PCDH15: variants seen among roughly 807,000 people sequenced by gnomAD.
PCDH15 encodes protocadherin related 15, also known as protocadherin-15.
Under a neutral mutation model 178.5 loss-of-function variants are expected in PCDH15, and 129 were observed. That is an observed-to-expected ratio of 0.72 (90% CI 0.63 to 0.84). The LOEUF (loss-of-function observed/expected upper bound fraction) is 0.84. Among genes scored for constraint, PCDH15 ranks in the 40% least tolerant of loss-of-function variants. PCDH15 has a pLI of 0.00. For missense variants in PCDH15, 2,230 were observed against 2,099.9 expected, an observed-to-expected ratio of 1.06 and a Z score of -1.21; for synonymous variants, 800 against 732.0, an observed-to-expected ratio of 1.09 and a Z score of -1.50.
chr10:55,072,610 C>T lies in PCDH15; in HGVS notation c.-80+93966G>A, dbSNP rs1019498235. Among the ~76,000 whole-genome samples the T allele has an allele frequency of 3.3e-5, 5 of 152,098 alleles. No individual in the cohort carries two copies. In the South Asian group the frequency reaches 6.2e-4, roughly 19 times the overall value. On this transcript the variant is annotated intron_variant, in intron 2 of 5. Coordinates refer to the PCDH15 transcript ENST00000458638. Reference sequence around the variant, plus strand: ...CTGAAATTGTGGCAATAATCAATAGCTTACCAACCAAAAAGAGTCCAGGAC... The same window carrying T: ...CTGAAATTGTGGCAATAATCAATAGTTTACCAACCAAAAAGAGTCCAGGAC...
intron 2 of PCDH15, among the ~76,000 whole-genome samples, chr10:55,372,219 G>T (rs1157675592): frequency 6.6e-6 from 1 of 152,044 alleles, no homozygotes; most frequent in Non-Finnish European, 1.5e-5. Flanking sequence ...ATTTACTCAA[G>T]ATTCTCTAGC....
chr10:54,742,993 G>A (rs1052718877), intron 1 of PCDH15, among the ~76,000 whole-genome samples: 6 of 151,876 alleles, frequency 4.0e-5, no homozygotes, highest in African/African-American at 9.7e-5. Flanking sequence ...TTATCTAACC[G>A]TTTGAAAAAA....
At chr10:54,706,330 ACT>A (rs1464055347) in intron 1 of PCDH15, among the ~76,000 whole-genome samples, 2 of 152,208 alleles carry the variant, frequency 1.3e-5, no homozygotes, top group Admixed American at 1.3e-4. Flanking sequence ...CTAGAAAAGT[ACT>A]GTTAGAAATC....
intron 2 of PCDH15, among the ~76,000 whole-genome samples, chr10:54,555,937 C>G (rs1189477978): frequency 2.0e-5 from 3 of 149,844 alleles, no homozygotes; most frequent in African/African-American, 7.3e-5. Context: ...CCCATTTAAG[C>G]CTCCATCTAC....
chr10:55,266,023 G>C (rs1842284737), intron 1 of PCDH15, among the ~76,000 whole-genome samples: 1 of 152,110 alleles, frequency 6.6e-6, no homozygotes, highest in African/African-American at 2.4e-5. Flanking sequence ...ACAGTTAGCT[G>C]TCTTCTAAAG....
chr10:54,900,191 T>C lies in PCDH15; in HGVS notation c.-79-2691A>G, dbSNP rs149766055. On this transcript the variant is annotated intron_variant, in intron 2 of 5. Coordinates refer to the PCDH15 transcript ENST00000458638. ...CAACTGGAATATATCAGTAAACACA[T>C]TTTTAAAAGTCTTTTACTTCGGCAC... 5.3e-3 allele frequency among the ~76,000 whole-genome samples: 812 copies of C among 152,298 alleles called. 8 individuals carry two copies. Among genetic ancestry groups the C allele is most frequent in the African/African-American group, 0.018 (750 of 41,576 alleles).
At position 54,610,182 on chromosome 10, in the gene PCDH15, A is replaced by AT. The variant is rs373220018; in HGVS notation, c.91+53989dup. ...GCTTTGTTTACTGGTGCAGATCTCG[A>AT]TTTTTTCAAATATAGTATTTCACCT... On this transcript the variant is annotated intron_variant, in intron 2 of 37. Coordinates refer to ENST00000644397, the MANE Select transcript of PCDH15 (RefSeq NM_001384140.1). Among the ~76,000 whole-genome samples the AT allele has an allele frequency of 4.3e-4, 61 of 141,456 alleles. 1 individual carries two copies. Among genetic ancestry groups the AT allele is most frequent in the African/African-American group, 1.5e-3 (58 of 38,344 alleles). 92.8% of individuals were successfully genotyped at this position (141,456 alleles called of 152,430 possible). A position where few individuals can be genotyped will look rare whatever the true frequency, so the allele number is the denominator to read the frequency against.
intron 2 of PCDH15, among the ~76,000 whole-genome samples, chr10:55,382,400 AC>A (rs1837556907): frequency 6.6e-6 from 1 of 152,180 alleles, no homozygotes; most frequent in Non-Finnish European, 1.5e-5. Context: ...GATGAAGGAG[AC>A]TGTGAAGTCT....
intron 21 of PCDH15, among the ~76,000 whole-genome samples, chr10:53,992,945 C>T (rs2091624166): frequency 6.6e-6 from 1 of 152,182 alleles, no homozygotes; most frequent in Admixed American, 6.5e-5. Context: ...AGTGCTCTCT[C>T]TGGCTTTCAG....
chr10:54,068,237 G>A (rs1319428012), intron 17 of PCDH15, among the ~76,000 whole-genome samples: 1 of 152,122 alleles, frequency 6.6e-6, no homozygotes, highest in Non-Finnish European at 1.5e-5. Context: ...ACAGTGTTCA[G>A]TAGTCACTTA....
At chr10:54,088,617 G>T (rs568390367) in intron 16 of PCDH15, among the ~76,000 whole-genome samples, 1 of 152,210 alleles carries the variant, frequency 6.6e-6, no homozygotes, top group East Asian at 1.9e-4. Context: ...AAAATGTACT[G>T]ACTAATCCAA....
At chr10:54,487,694 T>C (rs1453737759) in intron 3 of PCDH15, among the ~76,000 whole-genome samples, 3 of 152,018 alleles carry the variant, frequency 2.0e-5, no homozygotes, top group African/African-American at 7.2e-5. Flanking sequence ...GGTTATTAAC[T>C]ATACAGTTTT....
chr10:54,310,071 G>C (rs1403247307), intron 8 of PCDH15, among the ~76,000 whole-genome samples: 2 of 152,008 alleles, frequency 1.3e-5, no homozygotes, highest in East Asian at 1.9e-4. Flanking sequence ...GAGAAAGTAG[G>C]GTAATTCTCA....
intron 8 of PCDH15, among the ~76,000 whole-genome samples, chr10:54,307,142 AT>A (rs2060608968): frequency 2.1e-5 from 2 of 96,026 alleles, no homozygotes; most frequent in South Asian, 3.6e-4. Context: ...ATATATATAT[AT>A]ATATATAAAA....
At chr10:54,469,004 C>T (rs936355504) in intron 3 of PCDH15, among the ~76,000 whole-genome samples, 6 of 152,082 alleles carry the variant, frequency 3.9e-5, no homozygotes, top group African/African-American at 1.2e-4. Flanking sequence ...TATCTTTTTC[C>T]ATCCCTTTAC....
At chr10:55,032,652 C>T (rs1051635886) in intron 2 of PCDH15, among the ~76,000 whole-genome samples, 2 of 152,152 alleles carry the variant, frequency 1.3e-5, no homozygotes, top group Non-Finnish European at 1.5e-5. Flanking sequence ...ATCTGTCTAG[C>T]AGAGAAAACC....
At position 54,330,216 on chromosome 10, in the gene PCDH15, C is replaced by T. The variant is rs76276313; in HGVS notation, c.595-510G>A. Among the ~76,000 whole-genome samples the T allele has an allele frequency of 5.2e-3, 795 of 151,514 alleles. 11 individuals carry two copies. Among genetic ancestry groups the T allele is most frequent in the African/African-American group, 0.016 (660 of 41,386 alleles). On this transcript the variant is annotated intron_variant, in intron 6 of 37. Transcript: ENST00000644397. ...AGTCACTTAGTGATGAGGTACATTCCGAGAAATGTGTTGTTAGGTGATTTT... is the reference window on the plus strand; with the variant it reads ...AGTCACTTAGTGATGAGGTACATTCTGAGAAATGTGTTGTTAGGTGATTTT...
intron 2 of PCDH15, among the ~76,000 whole-genome samples, chr10:55,016,810 C>G (rs1564719072): frequency 6.6e-6 from 1 of 151,984 alleles, no homozygotes; most frequent in Admixed American, 6.6e-5. Flanking sequence ...CAGTAACATA[C>G]CTTTTATTGA....
chr10:55,618,027 A>T lies in PCDH15; in HGVS notation c.-156+9598T>A, dbSNP rs568336729. Among the ~76,000 whole-genome samples, 387 of 152,200 alleles carry T rather than the reference A, an allele frequency of 2.5e-3. 5 individuals carry two copies. The highest frequency in any genetic ancestry group is 4.0e-3 in the Non-Finnish European group (274 of 67,928). On this transcript the variant is annotated intron_variant, in intron 2 of 5. Transcript: ENST00000613346. ...AAGATAAAATATAGTGTTTATAGAA[A>T]GAAATACAATTATTTCTAATAACTG...
Sources: gnomAD v4.1 joint callset for allele counts (sites outside exome capture counted in the v4.1 genomes callset) on GRCh38, gnomAD v4.1.1 for gene constraint, MANE v1.5 for transcripts, NCBI Gene and HGNC (gene_info 2026-07-23, HGNC 2026-07-21) for gene names.